TNFRSF1B: variants seen among roughly 807,000 people sequenced by gnomAD.
TNFRSF1B encodes the protein TNF receptor superfamily member 1B, also known as tumor necrosis factor receptor superfamily member 1B.
In TNFRSF1B, 19 loss-of-function variants were observed where a neutral mutation model predicts 44.6. The observed-to-expected ratio is 0.43, with a 90% CI of 0.30 to 0.62. The LOEUF (loss-of-function observed/expected upper bound fraction) is 0.62, where lower values mean the gene tolerates loss of function less well. Among genes scored for constraint, TNFRSF1B ranks in the 20% least tolerant of loss-of-function variants. TNFRSF1B has a pLI of 0.16. For synonymous variants in TNFRSF1B, 252 were observed against 261.1 expected (o/e 0.97, Z 0.34); for missense variants, 541 against 619.9 (o/e 0.87, Z 1.35).
At chr1:12,200,197 T>C (rs566948211) in intron 8 of TNFRSF1B, among the ~76,000 whole-genome samples, 12 of 152,162 alleles carry the variant, frequency 7.9e-5, no homozygotes, top group African/African-American at 2.9e-4. Flanking sequence ...AGAATCAATA[T>C]AGATATTGTC....
intron 8 of TNFRSF1B, among the ~76,000 whole-genome samples, chr1:12,201,315 G>C (rs1405097647): frequency 6.6e-6 from 1 of 150,976 alleles, no homozygotes; most frequent in African/African-American, 2.4e-5. Context: ...AGGCTGTACT[G>C]GGCCTCTGGG....
In TNFRSF1B at chr1:12,206,721, C is replaced by A. The variant is rs564369569; in HGVS notation, c.1106-19C>A. ...CCTGGACCCCCGGACTGACCCCCAC[C>A]CCATCTTGTGCTTAGCAGATTCTTC... On this transcript the variant is annotated intron_variant, in intron 9 of 9. Coordinates refer to ENST00000376259, the MANE Select transcript of TNFRSF1B (RefSeq NM_001066.3). 2.4e-5 allele frequency: 37 copies of A among 1,552,202 alleles called. No individual in the cohort carries two copies. The South Asian group carries it at 4.1e-4, about 17-fold the overall frequency.
At chr1:12,181,629 G>A (rs1638809484) in intron 1 of TNFRSF1B, among the ~76,000 whole-genome samples, 1 of 152,140 alleles carries the variant, frequency 6.6e-6, no homozygotes, top group Admixed American at 6.5e-5. Flanking sequence ...CTTCTACAAG[G>A]CCGGTGTCCA....
At chr1:12,185,280 C>T (rs1265045137) in intron 1 of TNFRSF1B, among the ~76,000 whole-genome samples, 6 of 152,148 alleles carry the variant, frequency 3.9e-5, no homozygotes, top group East Asian at 3.9e-4. Context: ...TGCAAAGGAG[C>T]GTGAGAATCA....
chr1:12,173,718 C>A (rs1458966873), intron 1 of TNFRSF1B, among the ~76,000 whole-genome samples: 1 of 152,236 alleles, frequency 6.6e-6, no homozygotes, highest in Non-Finnish European at 1.5e-5. Context: ...GCAGGCTGCT[C>A]TGACCCGGTT....
chr1:12,170,460 C>G (rs1638496079), intron 1 of TNFRSF1B, among the ~76,000 whole-genome samples: 1 of 152,236 alleles, frequency 6.6e-6, no homozygotes, highest in Non-Finnish European at 1.5e-5. Context: ...GCCGGGCATT[C>G]TTACGTCAGA....
rs146493115 is a variant in TNFRSF1B, at chr1:12,177,855, G to C, written c.78+10686G>C. 6.6e-6 allele frequency among the ~76,000 whole-genome samples: 1 copy of C among 152,036 alleles called. No individual in the cohort carries two copies. Among genetic ancestry groups the C allele is most frequent in the African/African-American group, 2.4e-5 (1 of 41,438 alleles). On this transcript the variant is annotated intron_variant, in intron 1 of 9. Coordinates refer to ENST00000376259, the MANE Select transcript of TNFRSF1B (RefSeq NM_001066.3). The surrounding 1 kb of genome is among the most constrained non-coding windows in gnomAD (Gnocchi z 4.3). ...GGTGCTTCTTGGGTGCAATGCGCAAGAGACCGATGCATTAACTACACAGAG... is the reference window on the plus strand; with the variant it reads ...GGTGCTTCTTGGGTGCAATGCGCAACAGACCGATGCATTAACTACACAGAG...
intron 9 of TNFRSF1B, among the ~76,000 whole-genome samples, chr1:12,202,800 A>G (rs549884779): frequency 3.7e-4 from 57 of 152,344 alleles, no homozygotes; most frequent in Non-Finnish European, 7.1e-4. Flanking sequence ...GAGGTTAAAC[A>G]GCTTCTTCAA....
intron 8 of TNFRSF1B, among the ~76,000 whole-genome samples, chr1:12,196,672 C>T (rs1639273004): frequency 2.0e-5 from 3 of 152,256 alleles, no homozygotes; most frequent in Non-Finnish European, 2.9e-5. Context: ...ACTCCCATCT[C>T]AGTGCTCTTT....
rs372085903 is a variant in TNFRSF1B at position 12,194,644 on chromosome 1, C to G, written c.900+26C>G. 31 of 1,613,844 alleles carry G rather than the reference C, an allele frequency of 1.9e-5. 1 individual carries two copies. Among genetic ancestry groups the G allele is most frequent in the South Asian group, 1.4e-4 (13 of 91,080 alleles). On this transcript the variant is annotated intron_variant, in intron 8 of 9. Transcript: ENST00000376259. ...GTGAGTGTCTCCACTGCCCTCTCCC[C>G]CTCTTCCCCTGGTCTCCTTCCCGGC...
chr1:12,207,100 C>G lies in TNFRSF1B; in HGVS notation c.*80C>G. 1 of 1,438,812 alleles carries G rather than the reference C, an allele frequency of 7.0e-7. No homozygotes were observed. The highest frequency in any genetic ancestry group is 9.3e-7 in the Non-Finnish European group (1 of 1,079,780). The allele number at this position is 1,438,812 out of a possible 1,614,324, so 89.1% of individuals were successfully genotyped here. ...ACCCTGCGAAGGGGCCCTGGTCCTT[C>G]CAGGCCCCCACCACTAGGACTCTGA... On this transcript the variant is annotated 3_prime_UTR_variant, in exon 10 of 10. Transcript: ENST00000376259.
chr1:12,191,613 G>T, intron 3 of TNFRSF1B, 161 bp from the exon 4 acceptor site: 1 of 805,950 alleles, frequency 1.2e-6, no homozygotes, highest in Admixed American at 2.2e-5. Flanking sequence ...AGGACTGCCG[G>T]TCCTGCCCCT....
At chr1:12,176,143 CCA>C (rs1209100169) in intron 1 of TNFRSF1B, among the ~76,000 whole-genome samples, 2 of 152,100 alleles carry the variant, frequency 1.3e-5, no homozygotes, top group Non-Finnish European at 2.9e-5. Context: ...CACTTGAACC[CCA>C]GAGGCGGAGG....
intron 1 of TNFRSF1B, among the ~76,000 whole-genome samples, chr1:12,182,249 G>A (rs984442850): frequency 2.6e-5 from 4 of 152,138 alleles, no homozygotes; most frequent in African/African-American, 7.2e-5. Flanking sequence ...ACAGCTCTTC[G>A]TGATGACTGG....
chr1:12,183,611 A>G (rs181591144), intron 1 of TNFRSF1B, among the ~76,000 whole-genome samples: 12 of 116,286 alleles, frequency 1.0e-4, no homozygotes, highest in African/African-American at 2.7e-4. Context: ...CTATCTATCT[A>G]TCTGTTTGTC....
At chr1:12,206,304 G>A (rs1310880918) in intron 9 of TNFRSF1B, among the ~76,000 whole-genome samples, 2 of 151,002 alleles carry the variant, frequency 1.3e-5, no homozygotes, top group Non-Finnish European at 2.9e-5. Flanking sequence ...AGGCCGGGAG[G>A]CAGAGGTCAC....
intron 2 of TNFRSF1B, among the ~76,000 whole-genome samples, chr1:12,189,526 G>A (rs1210031189): frequency 6.6e-6 from 1 of 152,196 alleles, no homozygotes; most frequent in Non-Finnish European, 1.5e-5. Context: ...GTGGAGCTAG[G>A]TAGCCTGACT....
At chr1:12,167,274 G>C in intron 1 of TNFRSF1B, 105 bp downstream of exon 1, 1 of 909,192 alleles carries the variant, frequency 1.1e-6, no homozygotes, top group Non-Finnish European at 1.4e-6. Flanking sequence ...GCGCTGTCAC[G>C]GGCTGGGAGG....
At chr1:12,200,387 C>G (rs1189717826) in intron 8 of TNFRSF1B, among the ~76,000 whole-genome samples, 2 of 151,752 alleles carry the variant, frequency 1.3e-5, no homozygotes, top group Non-Finnish European at 2.9e-5. Context: ...GCTCTCTGCC[C>G]CGGAATGATT....
Sources: gnomAD v4.1 joint callset for allele counts (sites outside exome capture counted in the v4.1 genomes callset) on GRCh38, gnomAD v4.1.1 for gene constraint, Gnocchi (gnomAD v3.1) non-coding constraint, MANE v1.5 for transcripts, NCBI Gene and HGNC (gene_info 2026-07-23, HGNC 2026-07-21) for gene names.